Variants in SLFN11 observed in about 807,000 individuals in gnomAD.
The protein encoded by SLFN11 is schlafen family member 11.
In SLFN11, 43 loss-of-function variants were observed where a neutral mutation model predicts 53.4. The ratio of observed to expected loss-of-function variants is 0.80; its 90% confidence interval spans 0.63 to 1.04. SLFN11 has a LOEUF of 1.04. SLFN11 is among the 50% of genes least tolerant of loss of function. The pLI is 0.00. For missense variants in SLFN11, 990 were observed against 1,079.1 expected (o/e 0.92, Z 1.16); for synonymous variants, 389 against 394.7 (o/e 0.99, Z 0.17).
Position 35,352,441 on chromosome 17 carries a change from T to C in SLFN11, c.2621A>G (p.Asp874Gly), listed in dbSNP as rs1906805253. ...CAGAACATTGGGTAAGATAGCTGGGTCAGCTGTCCTTGGATGGATCCCAAA... is the reference window on the plus strand; with the variant it reads ...CAGAACATTGGGTAAGATAGCTGGGCCAGCTGTCCTTGGATGGATCCCAAA... The part of the protein sequence containing the change: ...IVFGIHPRTA[D>G]PAILPNVLIC... Residue 874 changes from aspartate (D) to glycine (G), a missense_variant, in exon 7 of 7, where the codon GAC becomes GGC. Asp to Gly is a moderately conservative substitution (Grantham distance 94). Transcript: ENST00000685675. 1 of 1,614,082 alleles carries C rather than the reference T, an allele frequency of 6.2e-7. No homozygotes were observed. Among genetic ancestry groups the C allele is most frequent in the African/African-American group, 1.3e-5 (1 of 74,924 alleles).
chr17:35,352,760 C>T lies in SLFN11; in HGVS notation c.2302G>A (p.Glu768Lys), dbSNP rs546044791. Reference protein sequence around the residue: ...TGCLEVFPEAEWSQGVQGTLR... With the variant: ...TGCLEVFPEAKWSQGVQGTLR... ...GTTCCCTGAACACCCTGGGACCATT[C>T]GGCTTCAGGAAATACCTCGAGGCAC... Residue 768 changes from glutamate to lysine, a missense_variant, in exon 7 of 7, where the codon GAA becomes AAA. Glu to Lys is a moderately conservative substitution (Grantham distance 56). Transcript: ENST00000685675. 3.8e-5 allele frequency: 61 copies of T among 1,614,176 alleles called. 1 individual carries two copies. Among genetic ancestry groups the T allele is most frequent in the African/African-American group, 3.6e-4 (27 of 75,052 alleles).
At chr17:35,369,366 C>A (rs1338328604) in intron 1 of SLFN11, among the ~76,000 whole-genome samples, 1 of 152,122 alleles carries the variant, frequency 6.6e-6, no homozygotes, top group Admixed American at 6.5e-5. Context: ...ACAGGGTCAT[C>A]TCCTCTGCCT....
In SLFN11 at chr17:35,352,243, C is replaced by G. The variant is rs1906769166; in HGVS notation, c.*113G>C. ...GCCAGAAATGGGGGAGCTCCAAACTCTTTGTGTCAGCTCCGTCCAAATCTC... is the reference window on the plus strand; with the variant it reads ...GCCAGAAATGGGGGAGCTCCAAACTGTTTGTGTCAGCTCCGTCCAAATCTC... On this transcript the variant is annotated 3_prime_UTR_variant, in exon 7 of 7. Coordinates refer to ENST00000685675, the MANE Select transcript of SLFN11 (RefSeq NM_001376007.1). 5 of 1,375,826 alleles carry G rather than the reference C, an allele frequency of 3.6e-6. No individual in the cohort carries two copies. Among genetic ancestry groups the G allele is most frequent in the Non-Finnish European group, 4.0e-6 (4 of 1,007,022 alleles). The allele number at this position is 1,375,826 out of a possible 1,614,324, so 85.2% of individuals were successfully genotyped here.
chr17:35,351,855 C>G lies in SLFN11; in HGVS notation c.*501G>C, dbSNP rs1173078875. ...TGAATTATCTTCGGACTCTCCCAAG[C>G]CCTAAATGAATACAGCAAAGATAAA... On this transcript the variant is annotated 3_prime_UTR_variant, in exon 7 of 7. Coordinates refer to ENST00000685675, the MANE Select transcript of SLFN11 (RefSeq NM_001376007.1). 3 of 156,828 alleles carry G rather than the reference C, an allele frequency of 1.9e-5. No individual in the cohort carries two copies. The highest frequency in any genetic ancestry group is 4.2e-5 in the Non-Finnish European group (3 of 71,012). 9.7% of individuals were successfully genotyped at this position (156,828 alleles called of 1,614,324 possible). A position where few individuals can be genotyped will look rare whatever the true frequency, so the allele number is the denominator to read the frequency against.
chr17:35,366,654 C>T (rs888198294), intron 3 of SLFN11, among the ~76,000 whole-genome samples: 1 of 151,996 alleles, frequency 6.6e-6, no homozygotes, highest in Non-Finnish European at 1.5e-5. Flanking sequence ...ATACTAAAGG[C>T]TTGGAATTAC....
rs542078013 is a variant in SLFN11 at position 35,353,991 on chromosome 17, G to A, written c.1267C>T (p.Leu423=). The A allele has an allele frequency of 6.2e-7, 1 of 1,613,962 alleles. No individual in the cohort carries two copies. ...ATTTGCTTATTTATTAACTCCTCTA[G>A]TCCTCTGTGCTCTGAGATCAGGTCC... is the stretch of plus-strand genomic sequence containing the variant. ...WRDLISEHRG[L]EELINKQMQP... is the part of the protein sequence containing the mutation. Residue 423 remains leucine (L), a synonymous_variant, in exon 6 of 7, where the codon CTA becomes TTA. Coordinates refer to ENST00000685675, the MANE Select transcript of SLFN11 (RefSeq NM_001376007.1).
rs778886502 is a variant in SLFN11 at position 35,352,697 on chromosome 17, T to G, written c.2365A>C (p.Met789Leu). ...IKKYLTVEQI[M>L]TCVADTCRRF... is the part of the protein sequence containing the mutation. ...CTGCACGTGTCTGCCACACAGGTCATTATTTGCTCCACAGTCAAGTATTTC... is the reference window on the plus strand; with the variant it reads ...CTGCACGTGTCTGCCACACAGGTCAGTATTTGCTCCACAGTCAAGTATTTC... Residue 789 changes from methionine to leucine, a missense_variant, in exon 7 of 7, where the codon ATG becomes CTG. Met to Leu is a conservative substitution (Grantham distance 15, BLOSUM62 2). Around this residue, in one of 3 missense-constraint regions of SLFN11, gnomAD observed 313 missense variants for 320.9 expected, o/e 0.98. Transcript: ENST00000685675. 1 of 1,614,080 alleles carries G rather than the reference T, an allele frequency of 6.2e-7. No homozygotes were observed. The highest frequency in any genetic ancestry group is 1.3e-5 in the African/African-American group (1 of 74,930).
rs771230250 is a variant in SLFN11 at position 35,353,860 on chromosome 17, C to G, written c.1398G>C (p.Gln466His). 3 of 1,609,154 alleles carry G rather than the reference C, an allele frequency of 1.9e-6. No homozygotes were observed. The South Asian group carries it at 3.3e-5, about 18-fold the overall frequency. The change falls in exon 6 of 7, where the codon CAG (glutamine) becomes CAC (histidine). Residue 466 changes from glutamine (Q) to histidine (H), a missense_variant. By Grantham distance (24) the Gln-to-His change is conservative. Coordinates refer to ENST00000685675, the MANE Select transcript of SLFN11 (RefSeq NM_001376007.1). ...TGGTGTAGAGAATGGGGGTGCTGTT[C>G]TGTGCTATCAGCAGAGCATCACAGA... The part of the protein sequence containing the change: ...GVICDALLIA[Q>H]NSTPILYTIL...
At chr17:35,361,591 T>C (rs1908227527) in intron 4 of SLFN11, among the ~76,000 whole-genome samples, 1 of 151,800 alleles carries the variant, frequency 6.6e-6, no homozygotes, top group Admixed American at 6.6e-5. Context: ...CCTCCGAAAG[T>C]GCTGGAATTA....
At chr17:35,354,548 G>T (rs1473103163) in intron 5 of SLFN11, among the ~76,000 whole-genome samples, 4 of 152,140 alleles carry the variant, frequency 2.6e-5, no homozygotes, top group Non-Finnish European at 5.9e-5. Flanking sequence ...AGGAGAGGGA[G>T]TCATATTAAA....
chr17:35,365,683 C>G (rs914047245), intron 3 of SLFN11, among the ~76,000 whole-genome samples: 4 of 152,042 alleles, frequency 2.6e-5, no homozygotes, highest in African/African-American at 9.7e-5. Context: ...AAACAAACAA[C>G]TTACAATGGA....
In SLFN11 at chr17:35,362,986, T is replaced by C; in HGVS notation, c.822A>G (p.Ile274Met). Residue 274 changes from isoleucine to methionine, a missense_variant, in exon 4 of 7, where the codon ATA becomes ATG. Ile to Met is a conservative substitution (Grantham distance 10). Coordinates refer to ENST00000685675, the MANE Select transcript of SLFN11 (RefSeq NM_001376007.1). ...NVDPDSLRRK[I>M]EQAIYKLPCV... is the part of the protein sequence containing the mutation. ...AAGGTAGTTTGTATATGGCTTGTTC[T>C]ATTTTCCTTCTCAAAGAGTCAGGGT... The C allele has an allele frequency of 6.2e-7, 1 of 1,614,022 alleles. No homozygotes were observed.
intron 4 of SLFN11, among the ~76,000 whole-genome samples, chr17:35,360,797 T>G (rs1054952077): frequency 1.3e-5 from 2 of 152,096 alleles, no homozygotes; most frequent in African/African-American, 4.8e-5. Context: ...TAATTACCAT[T>G]ACTCACACTT....
intron 1 of SLFN11, among the ~76,000 whole-genome samples, chr17:35,370,193 A>G (rs1044543883): frequency 5.9e-5 from 9 of 152,180 alleles, no homozygotes; most frequent in Non-Finnish European, 1.3e-4. Context: ...AAATCAGTCA[A>G]TGTGATACAT....
chr17:35,355,810 G>A (rs1907399982), intron 5 of SLFN11, among the ~76,000 whole-genome samples: 1 of 152,122 alleles, frequency 6.6e-6, no homozygotes, highest in Non-Finnish European at 1.5e-5. Flanking sequence ...TTGCACAGGT[G>A]TGCTCTGAAA....
chr17:35,361,596 G>C (rs114031983), intron 4 of SLFN11, among the ~76,000 whole-genome samples: 100 of 152,034 alleles, frequency 6.6e-4, no homozygotes, highest in African/African-American at 2.3e-3. Flanking sequence ...GAAAGTGCTG[G>C]AATTATAGGT....
chr17:35,368,252 G>C (rs942975846), intron 1 of SLFN11, among the ~76,000 whole-genome samples: 2 of 152,032 alleles, frequency 1.3e-5, no homozygotes, highest in Non-Finnish European at 2.9e-5. Flanking sequence ...AGAACAAGAC[G>C]GTGTAATAGA....
intron 4 of SLFN11, among the ~76,000 whole-genome samples, chr17:35,361,620 C>T (rs1189029416): frequency 6.6e-6 from 1 of 152,050 alleles, no homozygotes; most frequent in Non-Finnish European, 1.5e-5. Context: ...AGCCACCATG[C>T]TTGGCCCTGA....
Position 35,361,585 on chromosome 17 carries a change from C to T in SLFN11, c.1069+1154G>A, listed in dbSNP as rs182585368. ...CAAGTGATCCTCCCACCACAGCCTC[C>T]GAAAGTGCTGGAATTATAGGTGTCA... On this transcript the variant is annotated intron_variant, in intron 4 of 6. Transcript: ENST00000685675. Among the ~76,000 whole-genome samples, 415 of 152,098 alleles carry T rather than the reference C, an allele frequency of 2.7e-3. 1 individual carries two copies. The highest frequency in any genetic ancestry group is 4.7e-3 in the Non-Finnish European group (318 of 67,992).
Sources: allele counts gnomAD v4.1 joint callset (sites outside exome capture counted in the v4.1 genomes callset), GRCh38; gene constraint gnomAD v4.1.1; regional missense constraint gnomAD v4.1.1; transcripts MANE v1.5; gene names NCBI Gene and HGNC (gene_info 2026-07-23, HGNC 2026-07-21).